The following NOL11 variants were observed in gnomAD, a reference collection of about 807,000 sequenced individuals.
NOL11 encodes nucleolar protein 11.
In NOL11, 42 loss-of-function variants were observed where a neutral mutation model predicts 93.0. That is an observed-to-expected ratio of 0.45 (90% CI 0.35 to 0.58). NOL11 has a LOEUF of 0.58. NOL11 is among the 20% of genes least tolerant of loss of function. The pLI, the probability that NOL11 is intolerant of heterozygous loss-of-function variation, is 0.00. For synonymous variants in NOL11, 296 were observed against 293.7 expected, an observed-to-expected ratio of 1.01 and a Z score of -0.08; for missense variants, 775 against 841.8, an observed-to-expected ratio of 0.92 and a Z score of 0.98.
chr17:67,721,147 T>C (rs2043215181), intron 3 of NOL11, among the ~76,000 whole-genome samples: 1 of 152,146 alleles, frequency 6.6e-6, no homozygotes, highest in South Asian at 2.1e-4. Context: ...AAACCAAAAA[T>C]GAATTTACAG....
rs2055199848 is a variant in NOL11 at position 67,736,135 on chromosome 17, T to G, written c.1054+112T>G. The G allele has an allele frequency of 4.9e-6, 5 of 1,017,180 alleles. No individual in the cohort carries two copies. In the South Asian group the frequency reaches 6.8e-5, roughly 14 times the overall value. 63.0% of individuals were successfully genotyped at this position (1,017,180 alleles called of 1,614,324 possible). On this transcript the variant is annotated intron_variant, in intron 9 of 17. Transcript: ENST00000253247. ...TAAAGCTTTTTCTTAATTTTGAAATTTACCGCTGTTTATTGAAACTTGTGA... is the reference window on the plus strand; with the variant it reads ...TAAAGCTTTTTCTTAATTTTGAAATGTACCGCTGTTTATTGAAACTTGTGA...
intron 6 of NOL11, among the ~76,000 whole-genome samples, chr17:67,725,628 T>G (rs900864140): frequency 6.6e-6 from 1 of 152,216 alleles, no homozygotes; most frequent in Non-Finnish European, 1.5e-5. Context: ...GGAATGTACT[T>G]AATGTTTAGC....
Position 67,724,140 on chromosome 17 carries a change from T to A in NOL11, c.611T>A (p.Ile204Lys). ...CTTGGACAAGACGAAAACTCTGTTA[T>A]AAAGAGTTTTACTGCATCTGTAGAT... ...LLLGQDENSV[I>K]KSFTASVDRK... is the part of the protein sequence containing the mutation. Residue 204 changes from isoleucine to lysine, a missense_variant, in exon 6 of 18, where the codon ATA becomes AAA. By Grantham distance (102) the Ile-to-Lys change is moderately radical. This residue lies in a region of NOL11 where 359 missense variants were observed against 316.5 expected (regional missense o/e 1.13). Transcript: ENST00000253247. The A allele has an allele frequency of 6.3e-7, 1 of 1,592,616 alleles. No individual in the cohort carries two copies. Among genetic ancestry groups the A allele is most frequent in the South Asian group, 1.1e-5 (1 of 89,546 alleles).
intron 7 of NOL11, among the ~76,000 whole-genome samples, chr17:67,730,497 T>C (rs1457324073): frequency 6.6e-6 from 1 of 151,714 alleles, no homozygotes; most frequent in East Asian, 2.0e-4. Flanking sequence ...CCTGACCTCA[T>C]GATCCGCCCG....
chr17:67,739,843 C>A (rs529411453), intron 16 of NOL11, among the ~76,000 whole-genome samples: 1 of 152,308 alleles, frequency 6.6e-6, no homozygotes, highest in South Asian at 2.1e-4. Flanking sequence ...CCTGATTCTT[C>A]ATTATGACCC....
intron 7 of NOL11, among the ~76,000 whole-genome samples, chr17:67,729,800 C>T (rs555083854): frequency 1.1e-4 from 17 of 150,604 alleles, no homozygotes; most frequent in East Asian, 4.1e-4. Flanking sequence ...AGGATGGTCT[C>T]GATCCCCTGA....
At chr17:67,726,060 T>C (rs893831914) in intron 6 of NOL11, among the ~76,000 whole-genome samples, 1 of 152,134 alleles carries the variant, frequency 6.6e-6, no homozygotes, top group African/African-American at 2.4e-5. Flanking sequence ...ACTGTAGTCT[T>C]GGGCCACAGA....
At position 67,735,944 on chromosome 17, in the gene NOL11, T is replaced by G; in HGVS notation, c.975T>G (p.Ser325=). ...ATTTGTTTATGCTACATGGAAAATC[T>G]CTAACTGTGATTCCATACAAGTGTG... ...GEHLFMLHGK[S]LTVIPYKCEV... Residue 325 remains serine, a synonymous_variant, in exon 9 of 18, where the codon TCT becomes TCG. Coordinates refer to ENST00000253247, the MANE Select transcript of NOL11 (RefSeq NM_015462.5). 1 of 1,612,250 alleles carries G rather than the reference T, an allele frequency of 6.2e-7. No individual in the cohort carries two copies. Among genetic ancestry groups the G allele is most frequent in the Non-Finnish European group, 8.5e-7 (1 of 1,178,722 alleles).
rs180755469 is a variant in NOL11 at position 67,729,398 on chromosome 17, C to T, written c.853+2750C>T. Among the ~76,000 whole-genome samples, 125 of 152,110 alleles carry T rather than the reference C, an allele frequency of 8.2e-4. No homozygotes were observed. The East Asian group carries it at 0.019, about 24-fold the overall frequency. On this transcript the variant is annotated intron_variant, in intron 7 of 17. Coordinates refer to ENST00000253247, the MANE Select transcript of NOL11 (RefSeq NM_015462.5). ...CCTCCCAAAGTGCTGGGATTACAGG[C>T]GTGAGCCACTGCACCTGGCCAACGT... is the stretch of plus-strand genomic sequence containing the variant.
chr17:67,735,974 G>A lies in NOL11; in HGVS notation c.1005G>A (p.Val335=). The change falls in exon 9 of 18, where the codon GTG becomes GTA. Residue 335 remains valine, a synonymous_variant. Coordinates refer to ENST00000253247, the MANE Select transcript of NOL11 (RefSeq NM_015462.5). The stretch of plus-strand genomic sequence containing the variant: ...CTGTGATTCCATACAAGTGTGAAGT[G>A]TCATCATTAGCAGGTGCTCTTGGAA... ...SLTVIPYKCE[V]SSLAGALGKL... 6.2e-7 allele frequency: 1 copy of A among 1,611,734 alleles called. No homozygotes were observed. Among genetic ancestry groups the A allele is most frequent in the East Asian group, 2.2e-5 (1 of 44,728 alleles).
chr17:67,733,486 T>C (rs2055173812), intron 7 of NOL11, among the ~76,000 whole-genome samples: 1 of 152,196 alleles, frequency 6.6e-6, no homozygotes, highest in African/African-American at 2.4e-5. Context: ...CAGTTTTCAG[T>C]CTTTAACCTC....
intron 16 of NOL11, among the ~76,000 whole-genome samples, chr17:67,742,967 C>T (rs568944508): frequency 1.4e-4 from 21 of 152,212 alleles, no homozygotes; most frequent in African/African-American, 3.4e-4. Context: ...CAACTACTGG[C>T]GCGGTGTCTC....
At chr17:67,735,641 AAAC>A (rs1032985398) in intron 8 of NOL11, among the ~76,000 whole-genome samples, 25 of 152,132 alleles carry the variant, frequency 1.6e-4, no homozygotes, top group African/African-American at 5.3e-4. Flanking sequence ...CATTAATTTT[AAAC>A]AATTGAGTTT....
At chr17:67,741,686 C>T (rs4791184) in intron 16 of NOL11, among the ~76,000 whole-genome samples, 23,829 of 152,028 alleles carry the variant, frequency 0.16, 2,423 homozygotes, top group East Asian at 0.33. Context: ...ATTCTCCTGC[C>T]TCAGCCTCCT....
At chr17:67,728,871 A>G (rs2055124260) in intron 7 of NOL11, among the ~76,000 whole-genome samples, 1 of 152,224 alleles carries the variant, frequency 6.6e-6, no homozygotes, top group Admixed American at 6.5e-5. Context: ...ATTGCCAGAC[A>G]TGAACCATCT....
Position 67,729,786 on chromosome 17 carries a change from A to G in NOL11, c.853+3138A>G, listed in dbSNP as rs1326042791. On this transcript the variant is annotated intron_variant, in intron 7 of 17. Transcript: ENST00000253247. ...AGTAGAGACGGGGTTTCACCTTGTT[A>G]GCCAGGATGGTCTCGATCCCCTGAC... 9.3e-5 allele frequency among the ~76,000 whole-genome samples: 14 copies of G among 151,202 alleles called. No homozygotes were observed. The South Asian group carries it at 2.7e-3, about 29-fold the overall frequency.
rs549250086 is a variant in NOL11 at position 67,723,303 on chromosome 17, CGCCT to C, written c.519+668_519+671del. 1.7e-4 allele frequency among the ~76,000 whole-genome samples: 26 copies of C among 150,682 alleles called. No individual in the cohort carries two copies. The East Asian group carries it at 4.9e-3, about 28-fold the overall frequency. On this transcript the variant is annotated intron_variant, in intron 5 of 17. Coordinates refer to ENST00000253247, the MANE Select transcript of NOL11 (RefSeq NM_015462.5). ...CTGGGATTACAGGCGTGAGCCACTG[CGCCT>C]GGCGCAAAACCATTATTTTTTAAAC...
chr17:67,737,913 A>C lies in NOL11; in HGVS notation c.1470A>C (p.Leu490=). The stretch of plus-strand genomic sequence containing the variant: ...ATGTACAGTTGTTACAACTCTGTCT[A>C]CAGCAGTTCCCTGACATTCCTGAAT... ...KKDVQLLQLC[L]QQFPDIPESV... The change falls in exon 13 of 18, where the codon CTA becomes CTC. Residue 490 remains leucine (L), a synonymous_variant. Coordinates refer to ENST00000253247, the MANE Select transcript of NOL11 (RefSeq NM_015462.5). 1 of 1,613,664 alleles carries C rather than the reference A, an allele frequency of 6.2e-7. No homozygotes were observed. The highest frequency in any genetic ancestry group is 8.5e-7 in the Non-Finnish European group (1 of 1,179,852).
chr17:67,742,724 C>T (rs1337998757), intron 16 of NOL11, among the ~76,000 whole-genome samples: 2 of 152,076 alleles, frequency 1.3e-5, no homozygotes, highest in South Asian at 2.1e-4. Flanking sequence ...GCCAGTTTCC[C>T]GGTTGCTTTG....
Sources: allele counts gnomAD v4.1 joint callset (sites outside exome capture counted in the v4.1 genomes callset), GRCh38; gene constraint gnomAD v4.1.1; regional missense constraint gnomAD v4.1.1; transcripts MANE v1.5; gene names NCBI Gene and HGNC (gene_info 2026-07-23, HGNC 2026-07-21).